The following GUCY2F variants were observed in gnomAD, a reference collection of about 807,000 sequenced individuals.
GUCY2F encodes retinal guanylyl cyclase 2.
GUCY2F carries 61 observed loss-of-function variants against 73.1 expected under a neutral mutation model. The ratio of observed to expected loss-of-function variants is 0.83; its 90% CI spans 0.68 to 1.03. The LOEUF (loss-of-function observed/expected upper bound fraction) is 1.03. Among genes scored for constraint, GUCY2F ranks in the 50% least tolerant of loss-of-function variants. The probability of loss-of-function intolerance (pLI) is 0.00; values close to 1 mark genes in which losing one functional copy is unlikely to be tolerated. For synonymous variants in GUCY2F, 331 were observed against 307.8 expected (o/e 1.08, Z -0.79); for missense variants, 912 against 854.3 (o/e 1.07, Z -0.84).
At chrX:109,443,088 T>C (rs143610119) in intron 6 of GUCY2F, among the ~76,000 whole-genome samples, 2,447 of 111,627 alleles carry the variant, frequency 0.022, 29 homozygotes, top group Non-Finnish European at 0.037. Context: ...AATTCTTGGC[T>C]TGGCTTCTTG....
At chrX:109,439,017 G>T (rs1169213513) in intron 7 of GUCY2F, among the ~76,000 whole-genome samples, 1 of 112,431 alleles carries the variant, frequency 8.9e-6, no homozygotes, top group Non-Finnish European at 1.9e-5. Flanking sequence ...AATCTAGATG[G>T]ATGTATCCAT....
intron 7 of GUCY2F, among the ~76,000 whole-genome samples, chrX:109,435,608 A>G (rs1287206660): frequency 9.1e-6 from 1 of 109,614 alleles, no homozygotes; most frequent in Non-Finnish European, 1.9e-5. Flanking sequence ...TCCTAATTGA[A>G]TACCCTTTAT....
chrX:109,452,545 C>T (rs1028740793), intron 4 of GUCY2F, among the ~76,000 whole-genome samples: 2 of 111,766 alleles, frequency 1.8e-5, no homozygotes, highest in Non-Finnish European at 3.8e-5. Flanking sequence ...AGATGAAAAA[C>T]GTGGTACTTC....
chrX:109,462,102 C>T (rs1932374123), intron 3 of GUCY2F, among the ~76,000 whole-genome samples: 1 of 112,581 alleles, frequency 8.9e-6, no homozygotes, highest in South Asian at 3.6e-4. Context: ...TCATCCTAGC[C>T]TCAAAGGAGA....
chrX:109,418,561 T>C (rs1006526411), intron 8 of GUCY2F, among the ~76,000 whole-genome samples: 4 of 111,243 alleles, frequency 3.6e-5, no homozygotes, highest in African/African-American at 1.3e-4. Flanking sequence ...AATACATGGG[T>C]CAAAAAAGAA....
intron 8 of GUCY2F, among the ~76,000 whole-genome samples, chrX:109,420,893 C>A (rs1448430118): frequency 8.9e-6 from 1 of 111,890 alleles, no homozygotes; most frequent in Non-Finnish European, 1.9e-5. Flanking sequence ...GGATGTTTCA[C>A]ATAAAGTTAC....
intron 7 of GUCY2F, among the ~76,000 whole-genome samples, chrX:109,431,625 G>C (rs1931615540): frequency 9.2e-6 from 1 of 108,748 alleles, no homozygotes; most frequent in Non-Finnish European, 1.9e-5. Flanking sequence ...CGTGAACCTG[G>C]GAGGCGGAGC....
At chrX:109,477,837 C>T (rs1409525083) in intron 1 of GUCY2F, among the ~76,000 whole-genome samples, 4 of 112,033 alleles carry the variant, frequency 3.6e-5, no homozygotes, top group African/African-American at 9.8e-5. Context: ...GAAACCTTGA[C>T]TCCTGAAGAG....
At chrX:109,397,415 G>A (rs1930735422) in intron 11 of GUCY2F, among the ~76,000 whole-genome samples, 1 of 111,399 alleles carries the variant, frequency 9.0e-6, no homozygotes, top group African/African-American at 3.3e-5. Flanking sequence ...CTAGCTAAGT[G>A]GTTCTAGTTT....
At chrX:109,460,140 C>A (rs1418186755) in intron 3 of GUCY2F, among the ~76,000 whole-genome samples, 2 of 111,052 alleles carry the variant, frequency 1.8e-5, no homozygotes, top group East Asian at 5.6e-4. Context: ...ATTAAAAGAT[C>A]AACCAAGGAC....
intron 10 of GUCY2F, among the ~76,000 whole-genome samples, chrX:109,399,942 A>G (rs1187486271): frequency 1.9e-5 from 2 of 102,825 alleles, no homozygotes; most frequent in Non-Finnish European, 4.0e-5. Context: ...ATAATGAGAA[A>G]TGAGAAGTGG....
intron 12 of GUCY2F, among the ~76,000 whole-genome samples, chrX:109,394,007 T>C (rs1296700834): frequency 1.8e-5 from 2 of 112,190 alleles, no homozygotes; most frequent in South Asian, 3.7e-4. Context: ...TGCAGGTCCA[T>C]CAAAGTCCTG....
At chrX:109,420,291 G>C (rs1416577444) in intron 8 of GUCY2F, among the ~76,000 whole-genome samples, 2 of 102,345 alleles carry the variant, frequency 2.0e-5, no homozygotes, top group African/African-American at 7.1e-5. Context: ...GAAAGAGAGA[G>C]AGAGAGAAAA....
chrX:109,398,668 C>T lies in GUCY2F; in HGVS notation c.2156G>A (p.Arg719Lys). The T allele has an allele frequency of 8.3e-7, 1 of 1,210,367 alleles. No homozygotes were observed. Among genetic ancestry groups the T allele is most frequent in the Non-Finnish European group, 1.1e-6 (1 of 894,298 alleles). ...ACCTAACCTGCTGCCTCTTGGAGCT[C>T]TCAACAGTTCAGGGGCCGTCCACAG... ...ELLWTAPELLRAPRGSRLGSF... is the reference protein window; with the variant it reads ...ELLWTAPELLKAPRGSRLGSF... Residue 719 changes from arginine to lysine, a missense_variant, in exon 11 of 20, where the codon AGA (arginine) becomes AAA (lysine). Coordinates refer to ENST00000218006, the MANE Select transcript of GUCY2F (RefSeq NM_001522.3).
At position 109,421,092 on chromosome X, in the gene GUCY2F, G is replaced by T. The variant is rs188841897; in HGVS notation, c.1791+9215C>A. 3.9e-3 allele frequency among the ~76,000 whole-genome samples: 440 copies of T among 111,598 alleles called. 3 individuals carry two copies. Among genetic ancestry groups the T allele is most frequent in the African/African-American group, 0.014 (420 of 30,879 alleles). ...ATATCACCTTAACCCCATTATGATG[G>T]CTACAGAAAATAAGTGTTGGCAAAC... On this transcript the variant is annotated intron_variant, in intron 8 of 19. Coordinates refer to ENST00000218006, the MANE Select transcript of GUCY2F (RefSeq NM_001522.3).
At chrX:109,424,770 T>A (rs1603382253) in intron 8 of GUCY2F, among the ~76,000 whole-genome samples, 1 of 96,519 alleles carries the variant, frequency 1.0e-5, no homozygotes, top group Non-Finnish European at 2.0e-5. Flanking sequence ...CAGGGAACAC[T>A]TTTTTTTTTT....
intron 10 of GUCY2F, among the ~76,000 whole-genome samples, chrX:109,402,926 CTG>C (rs1016691430): frequency 2.7e-5 from 3 of 111,844 alleles, no homozygotes; most frequent in African/African-American, 9.7e-5. Context: ...CTCTCTCTCT[CTG>C]TGTGTCTTTC....
In GUCY2F at chrX:109,475,585, G is replaced by T. The variant is rs970549560; in HGVS notation, c.352C>A (p.Gln118Lys). Residue 118 changes from glutamine to lysine, a missense_variant, in exon 2 of 20, where the codon CAG (glutamine) becomes AAG (lysine). Gln to Lys is a moderately conservative substitution (Grantham distance 53, BLOSUM62 1). Coordinates refer to ENST00000218006, the MANE Select transcript of GUCY2F (RefSeq NM_001522.3). The stretch of plus-strand genomic sequence containing the variant: ...GGTCCAATAAATCCTGAGGCCATCT[G>T]GTGGTGGGAAATGAAACTGGAGAGA... Reference protein sequence around the residue: ...RALSSFISHHQMASGFIGPTN... With the variant: ...RALSSFISHHKMASGFIGPTN... 6 of 1,211,445 alleles carry T rather than the reference G, an allele frequency of 5.0e-6. No homozygotes were observed. The East Asian group carries it at 8.9e-5, about 18-fold the overall frequency.
intron 7 of GUCY2F, among the ~76,000 whole-genome samples, chrX:109,436,009 G>A (rs1198220351): frequency 9.0e-6 from 1 of 111,388 alleles, no homozygotes; most frequent in Non-Finnish European, 1.9e-5. Flanking sequence ...GCTTTTTGAT[G>A]TGCTGCTGGA....
Sources: gnomAD v4.1 joint callset for allele counts (sites outside exome capture counted in the v4.1 genomes callset) on GRCh38, gnomAD v4.1.1 for gene constraint, MANE v1.5 for transcripts, NCBI Gene and HGNC (gene_info 2026-07-23, HGNC 2026-07-21) for gene names.